Variants in ACTN1 observed in about 807,000 individuals in gnomAD.
ACTN1 encodes the protein alpha-actinin-1.
In ACTN1, 30 loss-of-function variants were observed where a neutral mutation model predicts 119.6. The observed-to-expected ratio is 0.25, with a 90% CI of 0.19 to 0.34. The LOEUF (loss-of-function observed/expected upper bound fraction) is 0.34. Ranked by LOEUF, ACTN1 falls within the 10% of genes least tolerant of loss-of-function variation. ACTN1 has a pLI of 1.00. For synonymous variants in ACTN1, 429 were observed against 472.6 expected (o/e 0.91, Z 1.20); for missense variants, 764 against 1,223.4 (o/e 0.62, Z 5.60).
intron 1 of ACTN1, among the ~76,000 whole-genome samples, chr14:68,954,471 G>T (rs2036281717): frequency 6.6e-6 from 1 of 152,064 alleles, no homozygotes; most frequent in East Asian, 1.9e-4. Context: ...GGGATTACAG[G>T]CACCCGCCAC....
At chr14:68,950,462 G>GTGTGTATATATGTGTGTATATATATA in intron 1 of ACTN1, among the ~76,000 whole-genome samples, 4 of 125,908 alleles carry the variant, frequency 3.2e-5, no homozygotes, top group African/African-American at 1.6e-4. Flanking sequence ...ATGCGTGTGT[G>GTGTGTATATATGTGTGTATATATATA]TATATATATA....
chr14:68,924,929 G>A (rs549206103), intron 2 of ACTN1, among the ~76,000 whole-genome samples: 12 of 152,318 alleles, frequency 7.9e-5, no homozygotes, highest in African/African-American at 2.9e-4. Context: ...GGGACATTGG[G>A]GTGGAGACGC....
At chr14:68,949,512 T>C (rs905135455) in intron 1 of ACTN1, among the ~76,000 whole-genome samples, 2 of 152,200 alleles carry the variant, frequency 1.3e-5, no homozygotes, top group Admixed American at 1.3e-4. Context: ...TCCAAAGCCC[T>C]CTGCTGACCT....
chr14:68,908,009 T>TC (rs1379826396), intron 6 of ACTN1, among the ~76,000 whole-genome samples: 3 of 150,106 alleles, frequency 2.0e-5, no homozygotes, highest in African/African-American at 4.9e-5. Flanking sequence ...AGGAAGGTTC[T>TC]CTTTTTTTTT....
chr14:68,881,912 G>A (rs1403234158), intron 16 of ACTN1, among the ~76,000 whole-genome samples: 2 of 138,002 alleles, frequency 1.4e-5, no homozygotes, highest in African/African-American at 2.7e-5. Flanking sequence ...ACTGACCCTA[G>A]TATGGGACTT....
rs903701101 is a variant in ACTN1 at position 68,902,670 on chromosome 14, T to C, written c.677-108A>G. ...GCACCACCAAGTCTTCTTGCCAAAA[T>C]GTGGAGCCCGAATCTAACCAGCCTC... On this transcript the variant is annotated intron_variant, in intron 7 of 21. Coordinates refer to ENST00000394419, the MANE Select transcript of ACTN1 (RefSeq NM_001130004.2). 3 of 893,428 alleles carry C rather than the reference T, an allele frequency of 3.4e-6. No homozygotes were observed. In the South Asian group the frequency reaches 4.2e-5, roughly 13 times the overall value. 55.3% of individuals were successfully genotyped at this position (893,428 alleles called of 1,614,324 possible).
chr14:68,933,745 G>A (rs2035346996), intron 1 of ACTN1, among the ~76,000 whole-genome samples: 1 of 151,950 alleles, frequency 6.6e-6, no homozygotes, highest in Non-Finnish European at 1.5e-5. Flanking sequence ...ACTTTGGGAG[G>A]CCAAAGTGGA....
At position 68,880,956 on chromosome 14, in the gene ACTN1, T is replaced by A; in HGVS notation, c.1987A>T (p.Thr663Ser). 6.2e-7 allele frequency: 1 copy of A among 1,614,040 alleles called. No homozygotes were observed. Among genetic ancestry groups the A allele is most frequent in the Non-Finnish European group, 8.5e-7 (1 of 1,180,012 alleles). ...AGGTGGCTGAGCTGGTCCTCCAGGG[T>A]CCCATGCATCTCAATGGAGATCCTC... ...IGRISIEMHG[T>S]LEDQLSHLRQ... Residue 663 changes from threonine to serine, a missense_variant, in exon 17 of 22, where the codon ACC becomes TCC. Thr to Ser is a moderately conservative substitution (Grantham distance 58). Around this residue, in one of 4 missense-constraint regions of ACTN1, gnomAD observed 544 missense variants for 912.0 expected, o/e 0.60. Coordinates refer to ENST00000394419, the MANE Select transcript of ACTN1 (RefSeq NM_001130004.2). The surrounding 1 kb of genome is among the most constrained non-coding windows in gnomAD (Gnocchi z 4.6).
intron 3 of ACTN1, 103 bp downstream of exon 3, chr14:68,920,903 C>T (rs1195677174): frequency 6.1e-6 from 9 of 1,480,122 alleles, no homozygotes; most frequent in South Asian, 3.9e-5. Context: ...TGCCCAATGC[C>T]CCCAAGTGAT....
At chr14:68,978,892 A>T in intron 1 of ACTN1, 60 bp downstream of exon 1, 1 of 850,680 alleles carries the variant, frequency 1.2e-6, no homozygotes, top group Non-Finnish European at 1.7e-6. Flanking sequence ...CGGCAGGCAG[A>T]GCGGGTCGGG....
chr14:68,949,344 G>C (rs2036052740), intron 1 of ACTN1, among the ~76,000 whole-genome samples: 1 of 152,172 alleles, frequency 6.6e-6, no homozygotes, highest in Non-Finnish European at 1.5e-5. Context: ...GTGGGGACCT[G>C]GCCCAAAAAG....
rs141940950 is a variant in ACTN1, at chr14:68,950,455, C to CATGTGTGTGTGT, written c.106-24784_106-24783insACACACACACAT. Among the ~76,000 whole-genome samples the CATGTGTGTGTGT allele has an allele frequency of 3.6e-4, 50 of 137,604 alleles. 1 individual carries two copies. The highest frequency in any genetic ancestry group is 8.6e-4 in the African/African-American group (27 of 31,398). The allele number at this position is 137,604 out of a possible 152,430, so 90.3% of individuals were successfully genotyped here. On this transcript the variant is annotated intron_variant, in intron 1 of 21. Coordinates refer to ENST00000394419, the MANE Select transcript of ACTN1 (RefSeq NM_001130004.2). Reference sequence around the variant, plus strand: ...TGTATCTTTTACCATAATATATATGCGTGTGTGTATATATATATATATAAA... The same window carrying CATGTGTGTGTGT: ...TGTATCTTTTACCATAATATATATGCATGTGTGTGTGTGTGTGTGTATATATATATATATAAA...
At chr14:68,965,656 C>G (rs1322818387) in intron 1 of ACTN1, among the ~76,000 whole-genome samples, 1 of 152,226 alleles carries the variant, frequency 6.6e-6, no homozygotes. Flanking sequence ...CCCCAGGCAC[C>G]TGGCCTCCCA....
At chr14:68,952,949 C>A (rs1208876918) in intron 1 of ACTN1, among the ~76,000 whole-genome samples, 1 of 152,108 alleles carries the variant, frequency 6.6e-6, no homozygotes, top group East Asian at 1.9e-4. Context: ...ACCAGTGACG[C>A]CACCAACCCA....
chr14:68,884,565 G>A (rs989033475), intron 13 of ACTN1, among the ~76,000 whole-genome samples: 8 of 152,252 alleles, frequency 5.3e-5, no homozygotes, highest in African/African-American at 1.4e-4. Context: ...CTGGGAGGAT[G>A]AGACATGTGA....
intron 1 of ACTN1, among the ~76,000 whole-genome samples, chr14:68,962,378 T>A (rs553391336): frequency 4.7e-4 from 71 of 152,120 alleles, no homozygotes; most frequent in African/African-American, 1.7e-3. Flanking sequence ...ACGGCAGTGA[T>A]GGTTCCCATG....
At chr14:68,915,628 C>T (rs2034249406) in intron 3 of ACTN1, among the ~76,000 whole-genome samples, 4 of 152,230 alleles carry the variant, frequency 2.6e-5, no homozygotes, top group African/African-American at 9.6e-5. Flanking sequence ...GGGGAATGGG[C>T]AGAGCTAACA....
At chr14:68,888,051 CT>C (rs2032170457) in intron 11 of ACTN1, 1 of 725,454 alleles carries the variant, frequency 1.4e-6, no homozygotes, top group African/African-American at 1.8e-5. Flanking sequence ...TCCTTGGCGG[CT>C]CCTTCAGCAG....
At chr14:68,894,408 C>A (rs561556309) in intron 8 of ACTN1, among the ~76,000 whole-genome samples, 1 of 152,168 alleles carries the variant, frequency 6.6e-6, no homozygotes, top group Non-Finnish European at 1.5e-5. Context: ...ACACATCATG[C>A]GCTGCGTGCT....
Sources: gnomAD v4.1 joint callset for allele counts (sites outside exome capture counted in the v4.1 genomes callset) on GRCh38, gnomAD v4.1.1 for gene constraint, gnomAD v4.1.1 regional missense constraint, Gnocchi (gnomAD v3.1) non-coding constraint, MANE v1.5 for transcripts, NCBI Gene and HGNC (gene_info 2026-07-23, HGNC 2026-07-21) for gene names.